Variants in ARAP2 observed in about 807,000 individuals in gnomAD.
The protein encoded by ARAP2 is ArfGAP with RhoGAP domain, ankyrin repeat and PH domain 2.
Under a neutral mutation model 194.5 loss-of-function variants are expected in ARAP2, and 148 were observed. That is an observed-to-expected ratio of 0.76 (90% CI 0.67 to 0.87). The LOEUF (loss-of-function observed/expected upper bound fraction) is 0.87, where lower values mean the gene tolerates loss of function less well. Among genes scored for constraint, ARAP2 ranks in the 40% least tolerant of loss-of-function variants. The probability of loss-of-function intolerance (pLI) is 0.00; values close to 1 mark genes in which losing one functional copy is unlikely to be tolerated. For missense variants in ARAP2, 2,128 were observed against 1,989.7 expected (o/e 1.07, Z -1.32); for synonymous variants, 695 against 683.5 (o/e 1.02, Z -0.26).
chr4:36,148,574 A>G (rs1730198072), intron 16 of ARAP2, 67 bp from the exon 17 acceptor site: 2 of 1,104,646 alleles, frequency 1.8e-6, no homozygotes, highest in Non-Finnish European at 2.7e-6. Flanking sequence ...GAATAACACA[A>G]AGGTCATGTT....
intron 27 of ARAP2, among the ~76,000 whole-genome samples, chr4:36,092,361 G>A (rs1023455469): frequency 2.6e-5 from 4 of 152,130 alleles, no homozygotes; most frequent in African/African-American, 9.7e-5. Flanking sequence ...TGTAATCCTA[G>A]CACTTTGGGA....
intron 27 of ARAP2, among the ~76,000 whole-genome samples, chr4:36,092,394 G>A (rs913579662): frequency 6.6e-6 from 1 of 150,938 alleles, no homozygotes; most frequent in Admixed American, 6.6e-5. Flanking sequence ...CGGATTATCT[G>A]AGGTCAGGAG....
chr4:36,069,564 C>T (rs1226719281), intron 32 of ARAP2, among the ~76,000 whole-genome samples: 3 of 151,746 alleles, frequency 2.0e-5, no homozygotes, highest in East Asian at 3.8e-4. Context: ...AAGTTTCACT[C>T]GGCATCTATT....
intron 9 of ARAP2, among the ~76,000 whole-genome samples, chr4:36,174,732 T>A (rs555131018): frequency 1.3e-5 from 2 of 152,302 alleles, no homozygotes; most frequent in South Asian, 4.1e-4. Flanking sequence ...TAGTAATCCA[T>A]CTCCCTTCTT....
chr4:36,144,845 A>C (rs942715767), intron 19 of ARAP2, among the ~76,000 whole-genome samples: 1 of 151,818 alleles, frequency 6.6e-6, no homozygotes, highest in African/African-American at 2.4e-5. Context: ...AGCATGATCA[A>C]CCTCTCCTCC....
exon 5 of ARAP2, chr4:36,046,000 T>C (rs1250048544): frequency 6.6e-6 from 1 of 152,194 alleles, no homozygotes; most frequent in Non-Finnish European, 1.5e-5. Context: ...GCTGTTAAGT[T>C]TTAGAGCTTC....
At chr4:36,082,204 A>G (rs373853415) in intron 30 of ARAP2, 47 bp downstream of exon 30, 2 of 1,533,772 alleles carry the variant, frequency 1.3e-6, no homozygotes, top group Non-Finnish European at 1.8e-6. Flanking sequence ...TTTTCCTGAA[A>G]TTGTCACCAA....
In ARAP2 at chr4:36,159,275, A is replaced by C. The variant is rs546869972; in HGVS notation, c.2617+56T>G. 16 of 1,376,730 alleles carry C rather than the reference A, an allele frequency of 1.2e-5. No homozygotes were observed. In the African/African-American group the frequency reaches 1.9e-4, roughly 17 times the overall value. 85.3% of individuals were successfully genotyped at this position (1,376,730 alleles called of 1,614,324 possible). On this transcript the variant is annotated intron_variant, in intron 14 of 32. Coordinates refer to ENST00000303965, the MANE Select transcript of ARAP2 (RefSeq NM_015230.4). ...TGAAAAATCAATAGATTTATGCTTCAGTCCTTTTACGGATCTATCAGAAGA... is the reference window on the plus strand; with the variant it reads ...TGAAAAATCAATAGATTTATGCTTCCGTCCTTTTACGGATCTATCAGAAGA...
intron 28 of ARAP2, among the ~76,000 whole-genome samples, chr4:36,084,369 T>C (rs1032537150): frequency 5.9e-5 from 9 of 152,116 alleles, no homozygotes; most frequent in Non-Finnish European, 1.0e-4. Flanking sequence ...GGGTAGTACC[T>C]TGTATTCAAA....
At chr4:36,113,160 T>A (rs1720459713) in intron 26 of ARAP2, among the ~76,000 whole-genome samples, 1 of 151,928 alleles carries the variant, frequency 6.6e-6, no homozygotes, top group African/African-American at 2.4e-5. Context: ...TGAACCCAGA[T>A]GTGAATCTGG....
chr4:36,129,329 T>C (rs1031494512), intron 20 of ARAP2, among the ~76,000 whole-genome samples: 1 of 151,922 alleles, frequency 6.6e-6, no homozygotes, highest in South Asian at 2.1e-4. Context: ...CCCAGGCTTC[T>C]TTTCCCTGTT....
intron 8 of ARAP2, among the ~76,000 whole-genome samples, chr4:36,182,825 A>G (rs1435635351): frequency 6.6e-6 from 1 of 152,154 alleles, no homozygotes; most frequent in Non-Finnish European, 1.5e-5. Context: ...ATTACAAGGG[A>G]GAAAGTTTGG....
At chr4:36,188,478 C>T (rs990975781) in intron 7 of ARAP2, among the ~76,000 whole-genome samples, 3 of 152,006 alleles carry the variant, frequency 2.0e-5, no homozygotes, top group African/African-American at 4.8e-5. Context: ...TATTTAAATC[C>T]GACTTTTAAA....
At chr4:36,068,376 G>T (rs1577722619) in intron 32 of ARAP2, 98 bp from the exon 33 acceptor site, 15 of 1,315,754 alleles carry the variant, frequency 1.1e-5, no homozygotes, top group South Asian at 5.1e-5. Flanking sequence ...TCCTATAAAA[G>T]ATCTCATTTC....
At chr4:36,211,478 T>C (rs1256341804) in intron 5 of ARAP2, among the ~76,000 whole-genome samples, 3 of 152,204 alleles carry the variant, frequency 2.0e-5, no homozygotes, top group Admixed American at 2.0e-4. Flanking sequence ...GAAACAGATA[T>C]GCCTGGGCTC....
chr4:36,214,427 C>A lies in ARAP2; in HGVS notation c.959G>T (p.Trp320Leu). ...CATTAAACACATAGACTCACTTTGC[C>A]ATGCCACAGATTTTTCAGTTGAGGT... ...VATSTEKSVAWQNSNEENSSS... is the reference protein window; with the variant it reads ...VATSTEKSVALQNSNEENSSS... The change falls in exon 3 of 33, where the codon TGG becomes TTG. Residue 320 changes from tryptophan to leucine, a missense_variant. By Grantham distance (61) the Trp-to-Leu change is moderately conservative. Transcript: ENST00000303965. The A allele has an allele frequency of 6.3e-7, 1 of 1,594,450 alleles. No individual in the cohort carries two copies. Among genetic ancestry groups the A allele is most frequent in the South Asian group, 1.1e-5 (1 of 88,312 alleles).
intron 2 of ARAP2, among the ~76,000 whole-genome samples, chr4:36,219,396 A>T (rs1000403355): frequency 1.3e-5 from 2 of 152,224 alleles, no homozygotes; most frequent in African/African-American, 4.8e-5. Flanking sequence ...TACTGAATAA[A>T]GATGTGAGAT....
rs71653577 is a variant in ARAP2, at chr4:36,177,806, AATGACT to A, written c.1857+15_1857+20del. The A allele has an allele frequency of 8.5e-6, 13 of 1,531,420 alleles. No individual in the cohort carries two copies. Among genetic ancestry groups the A allele is most frequent in the African/African-American group, 1.4e-5 (1 of 71,718 alleles). 94.9% of individuals were successfully genotyped at this position (1,531,420 alleles called of 1,614,324 possible). On this transcript the variant is annotated intron_variant, in intron 9 of 32. Coordinates refer to ENST00000303965, the MANE Select transcript of ARAP2 (RefSeq NM_015230.4). ...CTATAATAAAATAGCAGCAATTTGC[AATGACT>A]ATAACAGAGCTCACCTGTTCGTTTT... is the stretch of plus-strand genomic sequence containing the variant.
intron 1 of ARAP2, among the ~76,000 whole-genome samples, chr4:36,243,094 T>TTAA (rs1753845757): frequency 6.7e-6 from 1 of 148,172 alleles, no homozygotes; most frequent in African/African-American, 2.5e-5. Context: ...AAATAAGAGT[T>TTAA]AAAAAAAAAA....
Sources: allele counts gnomAD v4.1 joint callset (sites outside exome capture counted in the v4.1 genomes callset), GRCh38; gene constraint gnomAD v4.1.1; transcripts MANE v1.5; gene names NCBI Gene and HGNC (gene_info 2026-07-23, HGNC 2026-07-21).